ACTL8: variants seen among roughly 807,000 people sequenced by gnomAD.
ACTL8 encodes actin-like protein 8.
ACTL8 carries 3 observed loss-of-function variants against 9.3 expected under a neutral mutation model. That is an observed-to-expected ratio of 0.32 (90% CI 0.15 to 0.83). The LOEUF (loss-of-function observed/expected upper bound fraction) is 0.83, where lower values mean the gene tolerates loss of function less well. Ranked by LOEUF, ACTL8 falls within the 40% of genes least tolerant of loss-of-function variation. ACTL8 has a pLI of 0.57. For synonymous variants in ACTL8, 224 were observed against 205.9 expected, an observed-to-expected ratio of 1.09 and a Z score of -0.75; for missense variants, 381 against 492.2, an observed-to-expected ratio of 0.77 and a Z score of 2.14.
At chr1:17,763,143 T>A (rs377287049) in intron 1 of ACTL8, among the ~76,000 whole-genome samples, 1 of 152,152 alleles carries the variant, frequency 6.6e-6, no homozygotes, top group African/African-American at 2.4e-5. Flanking sequence ...CCCCAGACAC[T>A]GTGGGCTCTG....
At chr1:17,765,027 C>T (rs553785859) in intron 1 of ACTL8, among the ~76,000 whole-genome samples, 3 of 152,304 alleles carry the variant, frequency 2.0e-5, no homozygotes, top group South Asian at 2.1e-4. Context: ...AACTGTGCAG[C>T]GGTTGGGGGC....
intron 1 of ACTL8, among the ~76,000 whole-genome samples, chr1:17,771,125 G>A (rs1223450670): frequency 8.5e-5 from 13 of 152,164 alleles, no homozygotes. Flanking sequence ...GGGCTTTGTG[G>A]GCCATATGGT....
intron 1 of ACTL8, among the ~76,000 whole-genome samples, chr1:17,757,412 G>A (rs901369184): frequency 6.2e-4 from 95 of 152,320 alleles, no homozygotes; most frequent in Middle Eastern, 3.4e-3. Flanking sequence ...CTGAAACATG[G>A]AATGGGGGCA....
At chr1:17,794,675 G>A (rs764461101) in intron 1 of ACTL8, among the ~76,000 whole-genome samples, 6 of 152,082 alleles carry the variant, frequency 3.9e-5, no homozygotes, top group Non-Finnish European at 8.8e-5. Flanking sequence ...ATTTCCTACT[G>A]TATGAAGTTG....
chr1:17,778,765 A>G (rs1379865473), intron 1 of ACTL8, among the ~76,000 whole-genome samples: 3 of 152,102 alleles, frequency 2.0e-5, no homozygotes, highest in Non-Finnish European at 2.9e-5. Context: ...CTTGGGCACA[A>G]TGTGTCTGAT....
At chr1:17,822,253 C>CT (rs1283144820) in intron 1 of ACTL8, among the ~76,000 whole-genome samples, 3 of 115,250 alleles carry the variant, frequency 2.6e-5, no homozygotes, top group African/African-American at 5.8e-5. Flanking sequence ...AGTAATCTTA[C>CT]CCCCTGTGCC....
chr1:17,799,903 C>T (rs1357308574), intron 1 of ACTL8, among the ~76,000 whole-genome samples: 1 of 151,210 alleles, frequency 6.6e-6, no homozygotes, highest in African/African-American at 2.4e-5. Context: ...CAGCTCTTCA[C>T]ACACAGGAGG....
chr1:17,796,710 C>T (rs2066279454), intron 1 of ACTL8, among the ~76,000 whole-genome samples: 1 of 152,232 alleles, frequency 6.6e-6, no homozygotes, highest in Non-Finnish European at 1.5e-5. Flanking sequence ...CCCAGGTCCA[C>T]CCGGCTTCAA....
rs1003454853 is a variant in ACTL8 at position 17,762,680 on chromosome 1, T to G, written c.-25+7176T>G. Among the ~76,000 whole-genome samples the G allele has an allele frequency of 2.0e-5, 3 of 152,226 alleles. No homozygotes were observed. In the South Asian group the frequency reaches 6.2e-4, roughly 32 times the overall value. On this transcript the variant is annotated intron_variant, in intron 1 of 2. Coordinates refer to ENST00000375406, the MANE Select transcript of ACTL8 (RefSeq NM_030812.3). ...GGGCTGCAGGTGGGAGCCCAGGGGC[T>G]GGCGTTTGTGGTGGGGCTGCAGGAA...
At chr1:17,775,913 G>A (rs74765155) in intron 1 of ACTL8, among the ~76,000 whole-genome samples, 3,171 of 152,202 alleles carry the variant, frequency 0.021, 108 homozygotes, top group African/African-American at 0.071. Context: ...GAAGATTCCC[G>A]GGACAGTATA....
intron 1 of ACTL8, among the ~76,000 whole-genome samples, chr1:17,771,543 T>G (rs1002249034): frequency 6.6e-6 from 1 of 152,122 alleles, no homozygotes; most frequent in African/African-American, 2.4e-5. Flanking sequence ...GTGACTTGGT[T>G]TGGGGGAAGG....
chr1:17,782,126 G>GC (rs1282450235), intron 1 of ACTL8, among the ~76,000 whole-genome samples: 2 of 152,096 alleles, frequency 1.3e-5, no homozygotes, highest in Non-Finnish European at 2.9e-5. Flanking sequence ...TGGTACACGA[G>GC]CCCCCGCTAC....
At chr1:17,792,367 C>T (rs965234629) in intron 1 of ACTL8, among the ~76,000 whole-genome samples, 10 of 152,318 alleles carry the variant, frequency 6.6e-5, no homozygotes, top group African/African-American at 2.4e-4. Context: ...CACCCCCTCT[C>T]CATTTATAAA....
intron 1 of ACTL8, among the ~76,000 whole-genome samples, chr1:17,755,824 C>G (rs1282385662): frequency 1.3e-5 from 2 of 151,084 alleles, no homozygotes; most frequent in Admixed American, 6.6e-5. Flanking sequence ...GGGGCACCGC[C>G]TGGAGGGGGT....
chr1:17,766,871 A>G lies in ACTL8; in HGVS notation c.-25+11367A>G, dbSNP rs566027981. Among the ~76,000 whole-genome samples the G allele has an allele frequency of 2.6e-5, 4 of 152,292 alleles. No homozygotes were observed. In the South Asian group the frequency reaches 8.3e-4, roughly 32 times the overall value. Reference sequence around the variant, plus strand: ...TCATTCATTCCTAAGCTATGGTTGAATGAATGAATGAATGAATCTATTATG... The same window carrying G: ...TCATTCATTCCTAAGCTATGGTTGAGTGAATGAATGAATGAATCTATTATG... On this transcript the variant is annotated intron_variant, in intron 1 of 2. Coordinates refer to ENST00000375406, the MANE Select transcript of ACTL8 (RefSeq NM_030812.3).
rs530124293 is a variant in ACTL8, at chr1:17,807,973, C to T, written c.-24-15012C>T. Among the ~76,000 whole-genome samples, 10 of 152,150 alleles carry T rather than the reference C, an allele frequency of 6.6e-5. No individual in the cohort carries two copies. In the South Asian group the frequency reaches 2.1e-3, roughly 32 times the overall value. On this transcript the variant is annotated intron_variant, in intron 1 of 2. Transcript: ENST00000375406. ...AAAATTGGATGTTCTGCACATGTAT[C>T]CCAGAACCTAAAGTATAATAATAAA...
At chr1:17,777,466 G>C (rs569051561) in intron 1 of ACTL8, among the ~76,000 whole-genome samples, 1 of 152,258 alleles carries the variant, frequency 6.6e-6, no homozygotes, top group East Asian at 1.9e-4. Context: ...ACACGTGCCT[G>C]GTGGTGGAAG....
chr1:17,771,705 T>C (rs2066083980), intron 1 of ACTL8, among the ~76,000 whole-genome samples: 2 of 152,012 alleles, frequency 1.3e-5, no homozygotes, highest in Admixed American at 1.3e-4. Context: ...AAAGTTGCTA[T>C]AGACTGCCTT....
intron 1 of ACTL8, among the ~76,000 whole-genome samples, chr1:17,802,424 C>CGTGTGTGTGTGTGTGTGTGTGTGTGTGT (rs72387933): frequency 6.8e-6 from 1 of 146,594 alleles, no homozygotes; most frequent in African/African-American, 2.5e-5. Context: ...ACTGTGCGTG[C>CGTGTGTGTGTGTGTGTGTGTGTGTGTGT]GTGTGTGTGT....
Sources: allele counts gnomAD v4.1 joint callset (sites outside exome capture counted in the v4.1 genomes callset), GRCh38; gene constraint gnomAD v4.1.1; transcripts MANE v1.5; gene names NCBI Gene and HGNC (gene_info 2026-07-23, HGNC 2026-07-21).